The following KIAA1549 variants were observed in gnomAD, a reference collection of about 807,000 sequenced individuals.
KIAA1549 encodes the protein UPF0606 protein KIAA1549.
A neutral mutation model predicts 156.4 loss-of-function variants in KIAA1549; 70 were observed. The observed-to-expected ratio is 0.45, with a 90% CI of 0.37 to 0.55. The LOEUF (loss-of-function observed/expected upper bound fraction) is 0.55. Ranked by LOEUF, KIAA1549 falls within the 20% of genes least tolerant of loss-of-function variation. KIAA1549 has a pLI of 0.00. For missense variants in KIAA1549, 2,428 were observed against 2,540.9 expected (o/e 0.96, Z 0.96); for synonymous variants, 1,103 against 1,066.4 (o/e 1.03, Z -0.67).
At position 138,920,385 on chromosome 7, in the gene KIAA1549, C is replaced by T. The variant is rs79525133; in HGVS notation, c.188-947G>A. On this transcript the variant is annotated intron_variant, in intron 1 of 19. Transcript: ENST00000422774. ...TATCTGATCACTAGATTCTGGGCTT[C>T]CTAAGGACAGGCATTGTTTACCTGT... 1.0e-3 allele frequency among the ~76,000 whole-genome samples: 159 copies of T among 152,258 alleles called. 1 individual carries two copies. The highest frequency in any genetic ancestry group is 3.8e-3 in the African/African-American group (156 of 41,542).
intron 1 of KIAA1549, among the ~76,000 whole-genome samples, chr7:138,961,883 GA>G (rs1813864629): frequency 6.7e-6 from 1 of 150,088 alleles, no homozygotes; most frequent in African/African-American, 2.4e-5. Context: ...AAAAAGAAAA[GA>G]AAGGAAGAAA....
At chr7:138,950,764 T>C (rs1482806295) in intron 1 of KIAA1549, among the ~76,000 whole-genome samples, 2 of 152,166 alleles carry the variant, frequency 1.3e-5, no homozygotes, top group African/African-American at 4.8e-5. Context: ...TCCCACCTCA[T>C]TGTGGCTCCA....
chr7:138,870,559 G>T (rs560494173), intron 13 of KIAA1549, among the ~76,000 whole-genome samples: 1 of 152,314 alleles, frequency 6.6e-6, no homozygotes, highest in East Asian at 1.9e-4. Flanking sequence ...ACGGAAACCT[G>T]AACTGCGTTG....
chr7:138,847,232 C>T (rs547341598), intron 17 of KIAA1549, among the ~76,000 whole-genome samples: 1 of 152,206 alleles, frequency 6.6e-6, no homozygotes, highest in Non-Finnish European at 1.5e-5. Flanking sequence ...ATCATCCACA[C>T]CACAACACTT....
chr7:138,895,030 A>T (rs1305921105), intron 9 of KIAA1549, among the ~76,000 whole-genome samples: 1 of 152,188 alleles, frequency 6.6e-6, no homozygotes, highest in Non-Finnish European at 1.5e-5. Context: ...TTATGGAAGA[A>T]AACCCTTCAT....
At chr7:138,849,173 T>G (rs1239675784) in intron 17 of KIAA1549, among the ~76,000 whole-genome samples, 2 of 152,220 alleles carry the variant, frequency 1.3e-5, no homozygotes, top group African/African-American at 2.4e-5. Context: ...TCTATCAATT[T>G]TATTAGTTTT....
At chr7:138,904,476 C>G (rs927957625) in intron 7 of KIAA1549, among the ~76,000 whole-genome samples, 23 of 152,192 alleles carry the variant, frequency 1.5e-4, no homozygotes, top group Non-Finnish European at 2.9e-4. Flanking sequence ...CCCACATGCT[C>G]TCTCGTGCCC....
intron 1 of KIAA1549, among the ~76,000 whole-genome samples, chr7:138,953,093 T>C (rs576640921): frequency 6.6e-5 from 10 of 152,332 alleles, no homozygotes; most frequent in Non-Finnish European, 1.3e-4. Context: ...CGGTGGCTCA[T>C]GCCTGTAATC....
At chr7:138,849,217 CTT>C (rs1347298964) in intron 17 of KIAA1549, among the ~76,000 whole-genome samples, 34 of 152,056 alleles carry the variant, frequency 2.2e-4, no homozygotes, top group Admixed American at 3.3e-4. Flanking sequence ...TTGATCCTCT[CTT>C]AATGTGGTAT....
In KIAA1549 at chr7:138,860,239, C is replaced by T. The variant is rs183366606; in HGVS notation, c.5247+900G>A. On this transcript the variant is annotated intron_variant, in intron 16 of 19. Transcript: ENST00000422774. ...ATGATTAGATTGAATGGTACTCCCA[C>T]CCCACCCCACATGATAGCAGTTCCC... Among the ~76,000 whole-genome samples, 64 of 152,304 alleles carry T rather than the reference C, an allele frequency of 4.2e-4. 1 individual carries two copies. The highest frequency in any genetic ancestry group is 1.5e-3 in the African/African-American group (62 of 41,556).
At position 138,840,518 on chromosome 7, in the gene KIAA1549, A is replaced by G. The variant is rs570136734; in HGVS notation, c.5453-240T>C. ...GAAGCGGTAGGAAAATGTACCACGA[A>G]GCACCGTGGACCAAGCAATAAAAAT... On this transcript the variant is annotated intron_variant, in intron 18 of 19. Coordinates refer to ENST00000422774, the MANE Select transcript of KIAA1549 (RefSeq NM_001164665.2). Among the ~76,000 whole-genome samples, 13 of 152,230 alleles carry G rather than the reference A, an allele frequency of 8.5e-5. No homozygotes were observed. In the South Asian group the frequency reaches 2.7e-3, roughly 32 times the overall value.
At chr7:138,888,038 G>A (rs540051601) in intron 10 of KIAA1549, among the ~76,000 whole-genome samples, 3 of 152,294 alleles carry the variant, frequency 2.0e-5, no homozygotes, top group African/African-American at 7.2e-5. Flanking sequence ...CTCATGGCAG[G>A]GCTCTGTGCT....
chr7:138,954,609 A>AC (rs1420881243), intron 1 of KIAA1549, among the ~76,000 whole-genome samples: 5 of 150,738 alleles, frequency 3.3e-5, no homozygotes, highest in Non-Finnish European at 5.9e-5. Context: ...CCTCCGTGGC[A>AC]CCCCCCTCCC....
intron 12 of KIAA1549, among the ~76,000 whole-genome samples, chr7:138,874,003 TA>T (rs1811009946): frequency 6.7e-6 from 1 of 148,340 alleles, no homozygotes; most frequent in Non-Finnish European, 1.5e-5. Flanking sequence ...TTTTTGTTTA[TA>T]GAACTGTATA....
chr7:138,863,070 A>G (rs188767691), intron 15 of KIAA1549, among the ~76,000 whole-genome samples: 1 of 152,322 alleles, frequency 6.6e-6, no homozygotes, highest in East Asian at 1.9e-4. Flanking sequence ...GTCATAATAT[A>G]CACCAGGTAA....
intron 2 of KIAA1549, among the ~76,000 whole-genome samples, chr7:138,916,148 G>A (rs1048353145): frequency 1.9e-4 from 29 of 152,056 alleles, no homozygotes; most frequent in African/African-American, 6.8e-4. Context: ...TTCTTTCCTC[G>A]GGACCCAAGG....
At chr7:138,915,892 G>C (rs1420293752) in intron 2 of KIAA1549, among the ~76,000 whole-genome samples, 3 of 152,182 alleles carry the variant, frequency 2.0e-5, no homozygotes, top group Non-Finnish European at 4.4e-5. Flanking sequence ...CACCGTCGCG[G>C]GACATGACCC....
intron 1 of KIAA1549, among the ~76,000 whole-genome samples, chr7:138,923,938 G>T (rs935120685): frequency 1.3e-5 from 2 of 151,974 alleles, no homozygotes; most frequent in Admixed American, 6.6e-5. Context: ...ATGCTTAAAG[G>T]GTTATATTCC....
chr7:138,881,512 A>G lies in KIAA1549; in HGVS notation c.4105T>C (p.Leu1369=). 4 of 1,614,004 alleles carry G rather than the reference A, an allele frequency of 2.5e-6. No homozygotes were observed. The highest frequency in any genetic ancestry group is 3.4e-6 in the Non-Finnish European group (4 of 1,179,894). Residue 1369 remains leucine, a synonymous_variant, in exon 11 of 20, where the codon TTG becomes CTG. Coordinates refer to ENST00000422774, the MANE Select transcript of KIAA1549 (RefSeq NM_001164665.2). ...HLGQHNKDDI[L]IIHEPAPLPG... Reference sequence around the variant, plus strand: ...AGTGGCGCTGGCTCATGAATAATCAATATGTCGTCTTTATTGTGCTGACCC... The same window carrying G: ...AGTGGCGCTGGCTCATGAATAATCAGTATGTCGTCTTTATTGTGCTGACCC...
Sources: allele counts gnomAD v4.1 joint callset (sites outside exome capture counted in the v4.1 genomes callset), GRCh38; gene constraint gnomAD v4.1.1; transcripts MANE v1.5; gene names NCBI Gene and HGNC (gene_info 2026-07-23, HGNC 2026-07-21).